CDK5: variants seen among roughly 807,000 people sequenced by gnomAD.
CDK5 encodes the protein cyclin dependent kinase 5, also known as cyclin-dependent kinase 5.
CDK5 carries 18 observed loss-of-function variants against 44.6 expected under a neutral mutation model. The ratio of observed to expected loss-of-function variants is 0.40; its 90% CI spans 0.28 to 0.60. The LOEUF (loss-of-function observed/expected upper bound fraction) is 0.60, where lower values mean the gene tolerates loss of function less well. CDK5 is among the 20% of genes least tolerant of loss of function. The pLI is 0.38. For missense variants in CDK5, 198 were observed against 368.1 expected (o/e 0.54, Z 3.78); for synonymous variants, 143 against 152.8 (o/e 0.94, Z 0.47).
chr7:151,055,839 A>G lies in CDK5; in HGVS notation c.322T>C (p.Phe108Leu), dbSNP rs1455183479. The stretch of plus-strand genomic sequence containing the variant: ...AATCCCAGCCCTTTTAGTAGCTGGA[A>G]GAGGAATGACTGGGAGGAGAGAGGG... ...LDPEIVKSFLFQLLKGLGFCH... is the reference protein window; with the variant it reads ...LDPEIVKSFLLQLLKGLGFCH... Residue 108 changes from phenylalanine (F) to leucine (L), a missense_variant, in exon 6 of 12, where the codon TTC (phenylalanine) becomes CTC (leucine). This residue lies in a region of CDK5 where 26 missense variants were observed against 28.2 expected (regional missense o/e 0.92). Transcript: ENST00000485972. The G allele has an allele frequency of 1.2e-6, 2 of 1,607,392 alleles. No individual in the cohort carries two copies. Among genetic ancestry groups the G allele is most frequent in the Non-Finnish European group, 1.7e-6 (2 of 1,176,446 alleles).
In CDK5 at chr7:151,057,690, G is replaced by A; in HGVS notation, c.37+122C>T. 9.3e-7 allele frequency: 1 copy of A among 1,074,584 alleles called. No homozygotes were observed. Among genetic ancestry groups the A allele is most frequent in the Non-Finnish European group, 1.4e-6 (1 of 717,206 alleles). 66.6% of individuals were successfully genotyped at this position (1,074,584 alleles called of 1,614,324 possible). ...CGGAGTGCTGAGCTAGGGGGCCAGG[G>A]CTGCAGCCGCTGCTGAGATCGGAGC... On this transcript the variant is annotated intron_variant, in intron 1 of 11. Coordinates refer to ENST00000485972, the MANE Select transcript of CDK5 (RefSeq NM_004935.4). The surrounding 1 kb of genome is among the most constrained non-coding windows in gnomAD (Gnocchi z 5.2).
chr7:151,055,846 T>G lies in CDK5; in HGVS notation c.315A>C (p.Ser105=), dbSNP rs1359836410. 6.2e-7 allele frequency: 1 copy of G among 1,603,694 alleles called. No individual in the cohort carries two copies. Among genetic ancestry groups the G allele is most frequent in the Non-Finnish European group, 8.5e-7 (1 of 1,174,048 alleles). The change falls in exon 6 of 12, where the codon TCA becomes TCC. Residue 105 remains serine, a splice_region_variant and synonymous_variant. Coordinates refer to ENST00000485972, the MANE Select transcript of CDK5 (RefSeq NM_004935.4). ...GCCCTTTTAGTAGCTGGAAGAGGAA[T>G]GACTGGGAGGAGAGAGGGAGAAGGG... ...NGDLDPEIVK[S]FLFQLLKGLG... is the part of the protein sequence containing the mutation.
chr7:151,056,238 C>A lies in CDK5; in HGVS notation c.312+342G>T. On this transcript the variant is annotated intron_variant, in intron 5 of 11. Coordinates refer to ENST00000485972, the MANE Select transcript of CDK5 (RefSeq NM_004935.4). This position sits in a 1 kb window ranked among gnomAD's most constrained non-coding sequence, Gnocchi z 4.7. ...GGACTGGCTCCCCTGGAACCTGGACCAAGGCATTTGGTCTTGGGCCTAGAA... is the reference window on the plus strand; with the variant it reads ...GGACTGGCTCCCCTGGAACCTGGACAAAGGCATTTGGTCTTGGGCCTAGAA... The A allele has an allele frequency of 1.9e-6, 1 of 523,046 alleles. No homozygotes were observed. The highest frequency in any genetic ancestry group is 5.1e-4 in the Middle Eastern group (1 of 1,978). 32.4% of individuals were successfully genotyped at this position (523,046 alleles called of 1,614,324 possible).
Position 151,055,055 on chromosome 7 carries a change from C to T in CDK5, c.622G>A (p.Val208Ile). 6.2e-7 allele frequency: 1 copy of T among 1,613,842 alleles called. No homozygotes were observed. Among genetic ancestry groups the T allele is most frequent in the Admixed American group, 1.7e-5 (1 of 60,006 alleles). ...AAGATCCTCTTCAACTGGTCATCGA[C>T]ATCATTGCCGGGAAAAAGAGGCCGC... The part of the protein sequence containing the change: ...AGRPLFPGND[V>I]DDQLKRIFRL... Residue 208 changes from valine (V) to isoleucine (I), a missense_variant, in exon 9 of 12, where the codon GTC (valine) becomes ATC (isoleucine). Coordinates refer to ENST00000485972, the MANE Select transcript of CDK5 (RefSeq NM_004935.4).
intron 5 of CDK5, 93 bp from the exon 6 acceptor site, chr7:151,055,941 T>C: frequency 1.3e-6 from 1 of 797,262 alleles, no homozygotes; most frequent in Non-Finnish European, 2.1e-6. Context: ...TGTGCTTCGC[T>C]CCACCCCACC....
rs1347381044 is a variant in CDK5, at chr7:151,055,274, C to T, written c.580+3G>A. ...GTGCCTCTGCAACACCCCAGCACATCACCTGCAAAGATGCAGCCGGCTGAC... is the reference window on the plus strand; with the variant it reads ...GTGCCTCTGCAACACCCCAGCACATTACCTGCAAAGATGCAGCCGGCTGAC... On this transcript the variant is annotated splice_donor_region_variant and intron_variant, in intron 8 of 11. Coordinates refer to ENST00000485972, the MANE Select transcript of CDK5 (RefSeq NM_004935.4). The T allele has an allele frequency of 6.2e-7, 1 of 1,612,492 alleles. No homozygotes were observed. Among genetic ancestry groups the T allele is most frequent in the Admixed American group, 1.7e-5 (1 of 59,994 alleles).
chr7:151,053,989 G>A lies in CDK5; in HGVS notation c.*20C>T. The A allele has an allele frequency of 1.3e-6, 2 of 1,565,528 alleles. No individual in the cohort carries two copies. The highest frequency in any genetic ancestry group is 2.3e-5 in the East Asian group (1 of 42,734). The stretch of plus-strand genomic sequence containing the variant: ...CTTAAATAGGCCAGGCCCCAGCCTG[G>A]AGGCCGGGGGTCCCGGGGCCTAGGG... On this transcript the variant is annotated 3_prime_UTR_variant, in exon 12 of 12. Coordinates refer to ENST00000485972, the MANE Select transcript of CDK5 (RefSeq NM_004935.4).
Position 151,055,858 on chromosome 7 carries a change from G to A in CDK5, c.313-10C>T, listed in dbSNP as rs377444178. The A allele has an allele frequency of 5.7e-6, 9 of 1,588,334 alleles. No homozygotes were observed. The highest frequency in any genetic ancestry group is 7.7e-6 in the Non-Finnish European group (9 of 1,162,388). ...GCTGGAAGAGGAATGACTGGGAGGAGAGAGGGAGAAGGGAGTCAGACGCCC... is the reference window on the plus strand; with the variant it reads ...GCTGGAAGAGGAATGACTGGGAGGAAAGAGGGAGAAGGGAGTCAGACGCCC... On this transcript the variant is annotated splice_polypyrimidine_tract_variant and intron_variant, in intron 5 of 11. Coordinates refer to ENST00000485972, the MANE Select transcript of CDK5 (RefSeq NM_004935.4).
At position 151,054,379 on chromosome 7, in the gene CDK5, C is replaced by T; in HGVS notation, c.711+26G>A. On this transcript the variant is annotated intron_variant, in intron 10 of 11. Coordinates refer to ENST00000485972, the MANE Select transcript of CDK5 (RefSeq NM_004935.4). The surrounding 1 kb of genome is among the most constrained non-coding windows in gnomAD (Gnocchi z 5.7). The stretch of plus-strand genomic sequence containing the variant: ...TGTGAAACGAGTGACCCTGATGAAC[C>T]ATGACCCCCACATTCCCCATCACAC... 3 of 1,613,086 alleles carry T rather than the reference C, an allele frequency of 1.9e-6. No individual in the cohort carries two copies. The highest frequency in any genetic ancestry group is 2.5e-6 in the Non-Finnish European group (3 of 1,179,300).
chr7:151,053,833 T>G lies in CDK5; in HGVS notation c.*176A>C, dbSNP rs1796840440. 1 of 609,268 alleles carries G rather than the reference T, an allele frequency of 1.6e-6. No individual in the cohort carries two copies. The highest frequency in any genetic ancestry group is 2.9e-6 in the Non-Finnish European group (1 of 345,840). The allele number at this position is 609,268 out of a possible 1,614,324, so 37.7% of individuals were successfully genotyped here. On this transcript the variant is annotated 3_prime_UTR_variant, in exon 12 of 12. Transcript: ENST00000485972. ...ACCAGACTGTGGGAAAGGAGCCAAT[T>G]TATGAAATTAAATAAAGTCCACAAA...
At position 151,054,394 on chromosome 7, in the gene CDK5, C is replaced by T. The variant is rs546786609; in HGVS notation, c.711+11G>A. 5.6e-6 allele frequency: 9 copies of T among 1,613,244 alleles called. No homozygotes were observed. In the South Asian group the frequency reaches 8.8e-5, roughly 16 times the overall value. ...CCTGATGAACCATGACCCCCACATT[C>T]CCCATCACACCTTATAGTCTGGCAG... On this transcript the variant is annotated intron_variant, in intron 10 of 11. Transcript: ENST00000485972. The surrounding 1 kb of genome is among the most constrained non-coding windows in gnomAD (Gnocchi z 5.7).
chr7:151,055,595 C>T lies in CDK5; in HGVS notation c.420G>A (p.Leu140=). The T allele has an allele frequency of 1.2e-6, 2 of 1,613,756 alleles. No homozygotes were observed. Among genetic ancestry groups the T allele is most frequent in the Non-Finnish European group, 8.5e-7 (1 of 1,179,834 alleles). Residue 140 remains leucine (L), a synonymous_variant, in exon 7 of 12, where the codon CTG becomes CTA. Coordinates refer to ENST00000485972, the MANE Select transcript of CDK5 (RefSeq NM_004935.4). The stretch of plus-strand genomic sequence containing the variant: ...GAGCCAGGCCAAAATCAGCCAATTT[C>T]AGCTCCCCATTCTGAAGGGAATGGG... ...QNLLINRNGE[L]KLADFGLARA...
chr7:151,055,878 A>G (rs1284423837), intron 5 of CDK5, 30 bp from the exon 6 acceptor site: 7 of 1,481,188 alleles, frequency 4.7e-6, no homozygotes, highest in Non-Finnish European at 6.5e-6. Flanking sequence ...AGGGAGTCAG[A>G]CGCCCTGAAC....
chr7:151,054,554 A>G lies in CDK5; in HGVS notation c.651-89T>C. 1.6e-6 allele frequency: 2 copies of G among 1,258,852 alleles called. No homozygotes were observed. Among genetic ancestry groups the G allele is most frequent in the Admixed American group, 4.1e-5 (2 of 48,658 alleles). The allele number at this position is 1,258,852 out of a possible 1,614,324, so 78.0% of individuals were successfully genotyped here. ...GGGCCTCTTCCCCTCCTGGGGAGGG[A>G]TTCCTCATACCCACCGCCCACTTCT... On this transcript the variant is annotated intron_variant, in intron 9 of 11. Coordinates refer to ENST00000485972, the MANE Select transcript of CDK5 (RefSeq NM_004935.4). This position sits in a 1 kb window ranked among gnomAD's most constrained non-coding sequence, Gnocchi z 5.7.
Position 151,057,442 on chromosome 7 carries a change from G to A in CDK5, c.38-282C>T, listed in dbSNP as rs1385840242. On this transcript the variant is annotated intron_variant, in intron 1 of 11. Transcript: ENST00000485972. This position sits in a 1 kb window ranked among gnomAD's most constrained non-coding sequence, Gnocchi z 5.2. ...TCCGGAAGGGTCTGGAAATAGTGAG[G>A]AGGGGTCTGGGAGAGGACTGAGGGG... 7 of 590,364 alleles carry A rather than the reference G, an allele frequency of 1.2e-5. No homozygotes were observed. The South Asian group carries it at 1.4e-4, about 12-fold the overall frequency. The allele number at this position is 590,364 out of a possible 1,614,324, so 36.6% of individuals were successfully genotyped here.
Position 151,056,252 on chromosome 7 carries a change from T to C in CDK5, c.312+328A>G. ...GGAACCTGGACCAAGGCATTTGGTC[T>C]TGGGCCTAGAAAAGCACCTGGCACA... is the stretch of plus-strand genomic sequence containing the variant. On this transcript the variant is annotated intron_variant, in intron 5 of 11. Transcript: ENST00000485972. The surrounding 1 kb of genome is among the most constrained non-coding windows in gnomAD (Gnocchi z 4.7). 1.9e-6 allele frequency: 1 copy of C among 537,440 alleles called. No individual in the cohort carries two copies. Among genetic ancestry groups the C allele is most frequent in the South Asian group, 2.4e-5 (1 of 42,038 alleles). 33.3% of individuals were successfully genotyped at this position (537,440 alleles called of 1,614,324 possible). A position where few individuals can be genotyped will look rare whatever the true frequency, so the allele number is the denominator to read the frequency against.
Position 151,057,643 on chromosome 7 carries a change from A to G in CDK5, c.37+169T>C, listed in dbSNP as rs758345301. The G allele has an allele frequency of 1.6e-5, 12 of 753,860 alleles. No individual in the cohort carries two copies. Among genetic ancestry groups the G allele is most frequent in the East Asian group, 2.7e-5 (1 of 37,366 alleles). The allele number at this position is 753,860 out of a possible 1,614,324, so 46.7% of individuals were successfully genotyped here. A position where few individuals can be genotyped will look rare whatever the true frequency, so the allele number is the denominator to read the frequency against. ...TGAGAGCCCTGCGGGAAATGCTAAC[A>G]CGGGGAAGACTGGTGTCTGCACGGA... On this transcript the variant is annotated intron_variant, in intron 1 of 11. Coordinates refer to ENST00000485972, the MANE Select transcript of CDK5 (RefSeq NM_004935.4). The surrounding 1 kb of genome is among the most constrained non-coding windows in gnomAD (Gnocchi z 5.2).
intron 6 of CDK5, 72 bp from the exon 7 acceptor site, chr7:151,055,678 C>T: frequency 6.5e-7 from 1 of 1,539,710 alleles, no homozygotes; most frequent in Non-Finnish European, 8.9e-7. Flanking sequence ...CTCCATCCTC[C>T]CAGTCCTCTT....
rs373690199 is a variant in CDK5 at position 151,056,837 on chromosome 7, C to G, written c.195-41G>C. On this transcript the variant is annotated intron_variant, in intron 3 of 11. Coordinates refer to ENST00000485972, the MANE Select transcript of CDK5 (RefSeq NM_004935.4). The surrounding 1 kb of genome is among the most constrained non-coding windows in gnomAD (Gnocchi z 4.7). ...GGCTCAGCCAGGCAGGTCCGCCTGACAGACGTCCAGTGTCAGCCCCCGCCT... is the reference window on the plus strand; with the variant it reads ...GGCTCAGCCAGGCAGGTCCGCCTGAGAGACGTCCAGTGTCAGCCCCCGCCT... 2.3e-5 allele frequency: 36 copies of G among 1,599,046 alleles called. No homozygotes were observed. Among genetic ancestry groups the G allele is most frequent in the South Asian group, 1.1e-5 (1 of 89,330 alleles).
Sources: gnomAD v4.1 joint callset for allele counts on GRCh38, gnomAD v4.1.1 for gene constraint, gnomAD v4.1.1 regional missense constraint, Gnocchi (gnomAD v3.1) non-coding constraint, MANE v1.5 for transcripts, NCBI Gene and HGNC (gene_info 2026-07-23, HGNC 2026-07-21) for gene names.